TOPBP1: variants seen among roughly 807,000 people sequenced by gnomAD.
The protein encoded by TOPBP1 is DNA topoisomerase II binding protein 1.
TOPBP1 carries 28 observed loss-of-function variants against 167.7 expected under a neutral mutation model. That is an observed-to-expected ratio of 0.17 (90% CI 0.12 to 0.23). The LOEUF (loss-of-function observed/expected upper bound fraction) is 0.23, where lower values mean the gene tolerates loss of function less well. Ranked by LOEUF, TOPBP1 falls within the 10% of genes least tolerant of loss-of-function variation. The pLI, the probability that TOPBP1 is intolerant of heterozygous loss-of-function variation, is 1.00. For missense variants in TOPBP1, 1,554 were observed against 1,809.6 expected, an observed-to-expected ratio of 0.86 and a Z score of 2.56; for synonymous variants, 598 against 611.4, an observed-to-expected ratio of 0.98 and a Z score of 0.32.
Position 133,649,803 on chromosome 3 carries a change from C to G in TOPBP1, c.1230G>C (p.Gln410His). ...IVGDYDDELK[Q>H]FWNKSAHRPH... is the part of the protein sequence containing the mutation. ...ACCTGTGGGCTGATTTATTCCAAAA[C>G]TGCTTCAATTCATCATCATAATCTC... Residue 410 changes from glutamine (Q) to histidine (H), a missense_variant, in exon 9 of 28, where the codon CAG (glutamine) becomes CAC (histidine). By Grantham distance (24) the Gln-to-His change is conservative. Around this residue, in one of 3 missense-constraint regions of TOPBP1, gnomAD observed 1,197 missense variants for 1,351.5 expected, o/e 0.89. Coordinates refer to ENST00000260810, the MANE Select transcript of TOPBP1 (RefSeq NM_007027.4). 2 of 1,601,886 alleles carry G rather than the reference C, an allele frequency of 1.2e-6. No homozygotes were observed. Among genetic ancestry groups the G allele is most frequent in the South Asian group, 2.3e-5 (2 of 87,148 alleles).
intron 2 of TOPBP1, among the ~76,000 whole-genome samples, chr3:133,659,762 T>TTGTA (rs534645216): frequency 1.3e-5 from 2 of 151,470 alleles, no homozygotes; most frequent in African/African-American, 4.9e-5. Context: ...AAATACGTAT[T>TTGTA]TATATATATA....
chr3:133,623,793 T>C (rs1234549195), intron 17 of TOPBP1, among the ~76,000 whole-genome samples: 3 of 152,232 alleles, frequency 2.0e-5, no homozygotes, highest in Non-Finnish European at 4.4e-5. Flanking sequence ...AATTATAAAC[T>C]TTCCATTCAT....
At chr3:133,614,159 T>C (rs545472847) in intron 23 of TOPBP1, among the ~76,000 whole-genome samples, 3 of 152,274 alleles carry the variant, frequency 2.0e-5, no homozygotes, top group East Asian at 1.9e-4. Context: ...CTAATAATAA[T>C]AGCAGCAACA....
intron 8 of TOPBP1, among the ~76,000 whole-genome samples, chr3:133,650,158 C>T (rs945975875): frequency 1.3e-5 from 2 of 152,074 alleles, no homozygotes. Context: ...TTATCTTTCA[C>T]AGTAGATACT....
In TOPBP1 at chr3:133,623,298, C is replaced by T; in HGVS notation, c.3075+13G>A. The T allele has an allele frequency of 6.2e-7, 1 of 1,613,426 alleles. No homozygotes were observed. The highest frequency in any genetic ancestry group is 1.7e-5 in the Admixed American group (1 of 59,976). On this transcript the variant is annotated intron_variant, in intron 18 of 27. Coordinates refer to ENST00000260810, the MANE Select transcript of TOPBP1 (RefSeq NM_007027.4). Reference sequence around the variant, plus strand: ...GCTTAAGAGGGGGTAAATGTATCATCCATATCTCCTACCTCATCATCCTTT... The same window carrying T: ...GCTTAAGAGGGGGTAAATGTATCATTCATATCTCCTACCTCATCATCCTTT...
At chr3:133,614,015 A>G (rs983337985) in intron 23 of TOPBP1, among the ~76,000 whole-genome samples, 3 of 149,940 alleles carry the variant, frequency 2.0e-5, no homozygotes, top group African/African-American at 7.4e-5. Flanking sequence ...CTGGTCTTGA[A>G]CTCCTGACCT....
At chr3:133,630,075 C>T (rs963747929) in intron 14 of TOPBP1, among the ~76,000 whole-genome samples, 1 of 151,850 alleles carries the variant, frequency 6.6e-6, no homozygotes, top group African/African-American at 2.4e-5. Flanking sequence ...CGTGAGCCAC[C>T]GCGCCTGGCT....
intron 16 of TOPBP1, among the ~76,000 whole-genome samples, chr3:133,625,263 C>A (rs1238441437): frequency 3.3e-5 from 5 of 152,196 alleles, no homozygotes; most frequent in African/African-American, 4.8e-5. Context: ...CCGTGCCCGG[C>A]CGCTATTCAA....
chr3:133,652,009 G>A lies in TOPBP1; in HGVS notation c.1089+454C>T, dbSNP rs542844610. On this transcript the variant is annotated intron_variant, in intron 8 of 27. Coordinates refer to ENST00000260810, the MANE Select transcript of TOPBP1 (RefSeq NM_007027.4). ...AAATTAGCCAGGTGTAGTGGCACATGCCTGTAGTTCTAACTGCTCGGGAGA... is the reference window on the plus strand; with the variant it reads ...AAATTAGCCAGGTGTAGTGGCACATACCTGTAGTTCTAACTGCTCGGGAGA... 3.9e-5 allele frequency among the ~76,000 whole-genome samples: 6 copies of A among 152,118 alleles called. No individual in the cohort carries two copies. In the South Asian group the frequency reaches 1.0e-3, roughly 26 times the overall value.
At chr3:133,656,116 G>A (rs996074155) in intron 5 of TOPBP1, among the ~76,000 whole-genome samples, 1 of 151,188 alleles carries the variant, frequency 6.6e-6, no homozygotes, top group African/African-American at 2.4e-5. Flanking sequence ...TGTGCCCCTT[G>A]AAATAGGCTC....
rs374554497 is a variant in TOPBP1, at chr3:133,643,324, G to C, written c.1897C>G (p.Leu633Val). The change falls in exon 12 of 28, where the codon CTC (leucine) becomes GTC (valine). Residue 633 changes from leucine (L) to valine (V), a missense_variant. This residue lies in a region of TOPBP1 where 1,197 missense variants were observed against 1,351.5 expected (regional missense o/e 0.89). Coordinates refer to ENST00000260810, the MANE Select transcript of TOPBP1 (RefSeq NM_007027.4). ...QTLFDPKSNPLFTPVPVMTGM... is the reference protein window; with the variant it reads ...QTLFDPKSNPVFTPVPVMTGM... ...GTCATTACTGGAACTGGTGTGAAGA[G>C]AGGATTCGACTTTGGATCAAACAAA... 12 of 1,609,766 alleles carry C rather than the reference G, an allele frequency of 7.5e-6. No homozygotes were observed. In the African/African-American group the frequency reaches 8.0e-5, roughly 11 times the overall value.
intron 14 of TOPBP1, among the ~76,000 whole-genome samples, chr3:133,633,988 T>C (rs1231637050): frequency 6.6e-6 from 1 of 152,168 alleles, no homozygotes; most frequent in African/African-American, 2.4e-5. Flanking sequence ...CTAATAGGCA[T>C]CTCAAACTTA....
chr3:133,632,132 T>C (rs1935507216), intron 14 of TOPBP1, among the ~76,000 whole-genome samples: 1 of 151,772 alleles, frequency 6.6e-6, no homozygotes. Context: ...AAGTTGGACG[T>C]GGTGGCTCGC....
At chr3:133,660,626 C>G (rs916885291) in intron 2 of TOPBP1, among the ~76,000 whole-genome samples, 2 of 152,196 alleles carry the variant, frequency 1.3e-5, no homozygotes, top group Non-Finnish European at 1.5e-5. Context: ...CTGTGAGAAG[C>G]AAGGATCTAC....
At chr3:133,631,805 T>C (rs1935492195) in intron 14 of TOPBP1, among the ~76,000 whole-genome samples, 1 of 152,052 alleles carries the variant, frequency 6.6e-6, no homozygotes, top group Non-Finnish European at 1.5e-5. Context: ...ACCCGGCTCA[T>C]TTTTATATTT....
chr3:133,634,805 T>C (rs964812847), intron 14 of TOPBP1, among the ~76,000 whole-genome samples: 1 of 152,204 alleles, frequency 6.6e-6, no homozygotes, highest in Non-Finnish European at 1.5e-5. Context: ...CACAGATTCC[T>C]GAGGAACCTA....
chr3:133,649,964 A>G, intron 8 of TOPBP1, 21 bp from the exon 9 acceptor site: 1 of 1,535,196 alleles, frequency 6.5e-7, no homozygotes, highest in South Asian at 1.3e-5. Context: ...GAAAATATTT[A>G]ATATACATAA....
In TOPBP1 at chr3:133,644,750, CTTAACATGGAACATG is replaced by C. The variant is rs1398461829; in HGVS notation, c.1505-402_1505-388del. Among the ~76,000 whole-genome samples the C allele has an allele frequency of 2.6e-5, 4 of 152,270 alleles. No homozygotes were observed. The East Asian group carries it at 7.7e-4, about 29-fold the overall frequency. On this transcript the variant is annotated intron_variant, in intron 10 of 27. Transcript: ENST00000260810. Reference sequence around the variant, plus strand: ...GTCTAAATGGTATAACTGTCAAGTCCTTAACATGGAACATGTTAACATGGAAATAACTATAAGGAA... The same window carrying C: ...GTCTAAATGGTATAACTGTCAAGTCCTTAACATGGAAATAACTATAAGGAA...
Position 133,649,937 on chromosome 3 carries a change from G to C in TOPBP1, c.1096C>G (p.Leu366Val). 6.3e-7 allele frequency: 1 copy of C among 1,577,504 alleles called. No homozygotes were observed. Among genetic ancestry groups the C allele is most frequent in the Non-Finnish European group, 8.6e-7 (1 of 1,167,352 alleles). The change falls in exon 9 of 28, where the codon CTT (leucine) becomes GTT (valine). Residue 366 changes from leucine (L) to valine (V), a missense_variant. Leu to Val is a conservative substitution (Grantham distance 32). Transcript: ENST00000260810. ...AGCTTTCTGCCACTAAAACCGCAAAGATATATCTGCAAGAAAGAAAATATT... is the reference window on the plus strand; with the variant it reads ...AGCTTTCTGCCACTAAAACCGCAAACATATATCTGCAAGAAAGAAAATATT... ...EDLLDGCRIY[L>V]CGFSGRKLDK... is the part of the protein sequence containing the mutation.
Sources: allele counts gnomAD v4.1 joint callset (sites outside exome capture counted in the v4.1 genomes callset), GRCh38; gene constraint gnomAD v4.1.1; regional missense constraint gnomAD v4.1.1; transcripts MANE v1.5; gene names NCBI Gene and HGNC (gene_info 2026-07-23, HGNC 2026-07-21).